SPATA18: variants seen among roughly 807,000 people sequenced by gnomAD.
SPATA18 encodes spermatogenesis associated 18.
In SPATA18, 54 loss-of-function variants were observed where a neutral mutation model predicts 68.1. That is an observed-to-expected ratio of 0.79 (90% confidence interval 0.64 to 0.99). The LOEUF is 0.99. SPATA18 is among the 50% of genes least tolerant of loss of function. The probability of loss-of-function intolerance (pLI) is 0.00; values close to 1 mark genes in which losing one functional copy is unlikely to be tolerated. For synonymous variants in SPATA18, 242 were observed against 244.8 expected (o/e 0.99, Z 0.11); for missense variants, 724 against 681.1 (o/e 1.06, Z -0.70).
In SPATA18 at chr4:52,089,418, A is replaced by G. The variant is rs559375060; in HGVS notation, c.1563+4419A>G. Among the ~76,000 whole-genome samples, 8 of 152,336 alleles carry G rather than the reference A, an allele frequency of 5.3e-5. No individual in the cohort carries two copies. The East Asian group carries it at 1.4e-3, about 26-fold the overall frequency. On this transcript the variant is annotated intron_variant, in intron 11 of 12. Coordinates refer to ENST00000295213, the MANE Select transcript of SPATA18 (RefSeq NM_145263.4). ...ATCTTTCCTGCTTTGTCTTATGGGTATTTAATGCTATAAATTTATCTCTAA... is the reference window on the plus strand; with the variant it reads ...ATCTTTCCTGCTTTGTCTTATGGGTGTTTAATGCTATAAATTTATCTCTAA...
At chr4:52,083,713 C>T (rs1225394752) in intron 10 of SPATA18, among the ~76,000 whole-genome samples, 2 of 150,756 alleles carry the variant, frequency 1.3e-5, no homozygotes, top group East Asian at 3.9e-4. Context: ...CACTGCACTC[C>T]AGCCTGGATG....
Position 52,076,767 on chromosome 4 carries a change from G to A in SPATA18, c.759-12G>A, listed in dbSNP as rs770380541. 41 of 1,609,346 alleles carry A rather than the reference G, an allele frequency of 2.5e-5. 1 individual carries two copies. The South Asian group carries it at 4.3e-4, about 17-fold the overall frequency. On this transcript the variant is annotated splice_polypyrimidine_tract_variant and intron_variant, in intron 6 of 12. Coordinates refer to ENST00000295213, the MANE Select transcript of SPATA18 (RefSeq NM_145263.4). ...CAAAGGATTTCCCTGGCTGATTCTC[G>A]CTCACCAACAGGTCCTCCAGGAGCC...
At chr4:52,085,127 C>T in intron 11 of SPATA18, 128 bp downstream of exon 11, 1 of 632,462 alleles carries the variant, frequency 1.6e-6, no homozygotes, top group Admixed American at 3.1e-5. Flanking sequence ...TGCAATAATG[C>T]TAGCTCCAAA....
At chr4:52,082,769 A>G (rs1741058064) in intron 10 of SPATA18, 1 of 1,288,454 alleles carries the variant, frequency 7.8e-7, no homozygotes, top group East Asian at 3.8e-5. Flanking sequence ...TACCTCCTCC[A>G]TCTTAGAATT....
chr4:52,080,033 C>T, intron 9 of SPATA18, 114 bp downstream of exon 9: 1 of 1,176,676 alleles, frequency 8.5e-7, no homozygotes, highest in South Asian at 1.5e-5. Flanking sequence ...ACAGACACTA[C>T]CTGATTTTCA....
chr4:52,088,675 T>G (rs1560611489), intron 11 of SPATA18, among the ~76,000 whole-genome samples: 1 of 152,172 alleles, frequency 6.6e-6, no homozygotes, highest in Non-Finnish European at 1.5e-5. Context: ...GCTGCTGGAT[T>G]CAGTTTGCCA....
intron 1 of SPATA18, among the ~76,000 whole-genome samples, chr4:52,052,612 C>T (rs185732849): frequency 2.6e-4 from 39 of 151,110 alleles, no homozygotes; most frequent in African/African-American, 8.7e-4. Flanking sequence ...CGGAAATTAG[C>T]CCCCCCTTGT....
At chr4:52,080,135 T>G (rs906204912) in intron 9 of SPATA18, among the ~76,000 whole-genome samples, 1 of 152,192 alleles carries the variant, frequency 6.6e-6, no homozygotes, top group Non-Finnish European at 1.5e-5. Context: ...AGAGAACTAA[T>G]GAGGACTTGG....
At chr4:52,091,501 G>A (rs371214717) in intron 11 of SPATA18, among the ~76,000 whole-genome samples, 16 of 152,106 alleles carry the variant, frequency 1.1e-4, no homozygotes, top group Admixed American at 8.5e-4. Context: ...CTTTCTGTTT[G>A]TTTCTTTTCC....
intron 4 of SPATA18, among the ~76,000 whole-genome samples, chr4:52,064,183 C>CTCTA (rs71660476): frequency 2.1e-5 from 3 of 145,976 alleles, no homozygotes; most frequent in Non-Finnish European, 4.5e-5. Context: ...CCTTCTCTTT[C>CTCTA]TATATATATA....
intron 10 of SPATA18, chr4:52,083,571 C>T: frequency 2.9e-6 from 2 of 695,116 alleles, no homozygotes; most frequent in South Asian, 1.3e-4. Context: ...ATAGCGAGAC[C>T]TCATCTCTAC....
At chr4:52,055,484 A>G (rs149952713) in intron 1 of SPATA18, among the ~76,000 whole-genome samples, 10 of 152,336 alleles carry the variant, frequency 6.6e-5, no homozygotes, top group African/African-American at 2.4e-4. Flanking sequence ...TATAGCACAC[A>G]TAAACCCTTA....
At chr4:52,061,939 A>G (rs1236157210) in intron 3 of SPATA18, among the ~76,000 whole-genome samples, 4 of 152,192 alleles carry the variant, frequency 2.6e-5, no homozygotes, top group Non-Finnish European at 4.4e-5. Flanking sequence ...AGTGAAATCC[A>G]TAGATTGCTA....
chr4:52,086,184 C>G (rs570547611), intron 11 of SPATA18, among the ~76,000 whole-genome samples: 1 of 152,166 alleles, frequency 6.6e-6, no homozygotes, highest in Non-Finnish European at 1.5e-5. Flanking sequence ...GCTGTAGCCC[C>G]AAAGTTGCAA....
At chr4:52,060,362 G>A in intron 1 of SPATA18, 57 bp from the exon 2 acceptor site, 1 of 1,450,342 alleles carries the variant, frequency 6.9e-7, no homozygotes, top group South Asian at 1.2e-5. Flanking sequence ...TGGTCTGTCT[G>A]CAGTGGGTCC....
chr4:52,060,678 T>A, intron 2 of SPATA18, 104 bp from the exon 3 acceptor site: 1 of 1,185,440 alleles, frequency 8.4e-7, no homozygotes. Flanking sequence ...TTAATTATAC[T>A]TTAAGTTTTA....
rs1333814442 is a variant in SPATA18 at position 52,097,091 on chromosome 4, C to G, written c.*2204C>G. The stretch of plus-strand genomic sequence containing the variant: ...GTCTGGAAAATTTTTGGAAAGAATC[C>G]ACAAAGCCAAAGGAGACTGGCCTAT... On this transcript the variant is annotated 3_prime_UTR_variant, in exon 13 of 13. Coordinates refer to ENST00000295213, the MANE Select transcript of SPATA18 (RefSeq NM_145263.4). The G allele has an allele frequency of 1.3e-5, 2 of 152,076 alleles. No individual in the cohort carries two copies. The highest frequency in any genetic ancestry group is 4.8e-5 in the African/African-American group (2 of 41,422). The allele number at this position is 152,076 out of a possible 1,614,324, so 9.4% of individuals were successfully genotyped here. A position where few individuals can be genotyped will look rare whatever the true frequency, so the allele number is the denominator to read the frequency against.
intron 4 of SPATA18, among the ~76,000 whole-genome samples, chr4:52,068,727 A>G (rs1047570209): frequency 2.0e-4 from 31 of 152,222 alleles, no homozygotes; most frequent in African/African-American, 7.2e-4. Context: ...AGGCAATTGC[A>G]CTATCTTAGC....
At position 52,082,455 on chromosome 4, in the gene SPATA18, T is replaced by C. The variant is rs769410440; in HGVS notation, c.1424T>C (p.Met475Thr). Reference protein sequence around the residue: ...LVLYHVWPALMENDCVIMKGE... With the variant: ...LVLYHVWPALTENDCVIMKGE... Reference sequence around the variant, plus strand: ...CTCTATCACGTGTGGCCTGCTCTCATGGAGAATGACTGTGTCATTATGAAG... The same window carrying C: ...CTCTATCACGTGTGGCCTGCTCTCACGGAGAATGACTGTGTCATTATGAAG... The change falls in exon 10 of 13, where the codon ATG becomes ACG. Residue 475 changes from methionine (M) to threonine (T), a missense_variant. Transcript: ENST00000295213. 4 of 1,614,106 alleles carry C rather than the reference T, an allele frequency of 2.5e-6. No individual in the cohort carries two copies. The highest frequency in any genetic ancestry group is 3.4e-6 in the Non-Finnish European group (4 of 1,179,992).
Sources: allele counts gnomAD v4.1 joint callset (sites outside exome capture counted in the v4.1 genomes callset), GRCh38; gene constraint gnomAD v4.1.1; transcripts MANE v1.5; gene names NCBI Gene and HGNC (gene_info 2026-07-23, HGNC 2026-07-21).